The following DRAM2 variants were observed in gnomAD, a reference collection of about 807,000 sequenced individuals.
DRAM2 encodes DNA damage-regulated autophagy modulator protein 2.
DRAM2 carries 26 observed loss-of-function variants against 33.5 expected under a neutral mutation model. The ratio of observed to expected loss-of-function variants is 0.78; its 90% CI spans 0.57 to 1.08. The LOEUF (loss-of-function observed/expected upper bound fraction) is 1.08, where lower values mean the gene tolerates loss of function less well. Among genes scored for constraint, DRAM2 ranks in the 50% least tolerant of loss-of-function variants. DRAM2 has a pLI of 0.00. For missense variants in DRAM2, 311 were observed against 318.1 expected, an observed-to-expected ratio of 0.98 and a Z score of 0.17; for synonymous variants, 98 against 109.5, an observed-to-expected ratio of 0.89 and a Z score of 0.66.
chr1:111,118,133 T>C lies in DRAM2; in HGVS notation c.*27A>G, dbSNP rs1323625432. 2 of 1,597,878 alleles carry C rather than the reference T, an allele frequency of 1.3e-6. No homozygotes were observed. Among genetic ancestry groups the C allele is most frequent in the Admixed American group, 1.7e-5 (1 of 59,910 alleles). ...TTTCCCCAATCCCTGAGAATCATAATCATTACAGAAATATTTTATCCTTTC... is the reference window on the plus strand; with the variant it reads ...TTTCCCCAATCCCTGAGAATCATAACCATTACAGAAATATTTTATCCTTTC... On this transcript the variant is annotated 3_prime_UTR_variant, in exon 10 of 10. Transcript: ENST00000484310.
chr1:111,138,884 ATATTTAAATACCCGTGG>A (rs1653881179), intron 2 of DRAM2, among the ~76,000 whole-genome samples: 1 of 152,240 alleles, frequency 6.6e-6, no homozygotes, highest in African/African-American at 2.4e-5. Context: ...TTTTTAACAA[ATATTTAAATACCCGTGG>A]TAATAAAATG....
rs1345304888 is a variant in DRAM2, at chr1:111,117,800, C to T, written c.*360G>A. The stretch of plus-strand genomic sequence containing the variant: ...ATGTCTCTCATAAAAGTGCTCCTAA[C>T]AAAACATGATCTACAATAATTTATA... On this transcript the variant is annotated 3_prime_UTR_variant, in exon 10 of 10. Coordinates refer to ENST00000484310, the MANE Select transcript of DRAM2 (RefSeq NM_001349884.2). 1 of 196,056 alleles carries T rather than the reference C, an allele frequency of 5.1e-6. No homozygotes were observed. Among genetic ancestry groups the T allele is most frequent in the Middle Eastern group, 2.0e-3 (1 of 488 alleles). 12.1% of individuals were successfully genotyped at this position (196,056 alleles called of 1,614,324 possible).
chr1:111,129,342 C>T (rs1651619732), intron 4 of DRAM2, among the ~76,000 whole-genome samples: 1 of 152,150 alleles, frequency 6.6e-6, no homozygotes, highest in Admixed American at 6.5e-5. Flanking sequence ...CATATAGAGG[C>T]TGAATACTTT....
At chr1:111,138,319 G>T (rs532242637) in intron 2 of DRAM2, among the ~76,000 whole-genome samples, 1 of 152,192 alleles carries the variant, frequency 6.6e-6, no homozygotes, top group African/African-American at 2.4e-5. Flanking sequence ...GCATGGACTA[G>T]GTGAGGAAGA....
In DRAM2 at chr1:111,118,135, A is replaced by G. The variant is rs753082245; in HGVS notation, c.*25T>C. 4 of 1,598,078 alleles carry G rather than the reference A, an allele frequency of 2.5e-6. No homozygotes were observed. The highest frequency in any genetic ancestry group is 1.3e-5 in the African/African-American group (1 of 74,562). On this transcript the variant is annotated 3_prime_UTR_variant, in exon 10 of 10. Coordinates refer to ENST00000484310, the MANE Select transcript of DRAM2 (RefSeq NM_001349884.2). The stretch of plus-strand genomic sequence containing the variant: ...TCCCCAATCCCTGAGAATCATAATC[A>G]TTACAGAAATATTTTATCCTTTCAT...
chr1:111,120,408 A>G, intron 7 of DRAM2, 108 bp downstream of exon 7: 3 of 422,580 alleles, frequency 7.1e-6, no homozygotes, highest in Non-Finnish European at 1.1e-5. Flanking sequence ...AAAAAAAAAA[A>G]AAAAAAAAAA....
intron 4 of DRAM2, among the ~76,000 whole-genome samples, chr1:111,128,971 A>T (rs1477813898): frequency 6.6e-6 from 1 of 152,166 alleles, no homozygotes; most frequent in Non-Finnish European, 1.5e-5. Context: ...CAGAGTGGTA[A>T]TTATTTATCA....
intron 3 of DRAM2, 87 bp from the exon 4 acceptor site, chr1:111,131,655 T>A: frequency 7.7e-7 from 1 of 1,294,264 alleles, no homozygotes; most frequent in Non-Finnish European, 1.1e-6. Flanking sequence ...GCCTTGTACT[T>A]ACCACCCCAA....
intron 3 of DRAM2, among the ~76,000 whole-genome samples, chr1:111,135,600 C>G (rs1652997114): frequency 6.6e-6 from 1 of 152,134 alleles, no homozygotes; most frequent in Admixed American, 6.5e-5. Flanking sequence ...GTAGCAAAAC[C>G]TCCTCCCCCT....
rs1571056687 is a variant in DRAM2, at chr1:111,131,643, C to A, written c.-14-75G>T. ...ATCCTACTTTAGCCATCCATGCCCA[C>A]AGCCTTGTACTTACCACCCCAAGCT... On this transcript the variant is annotated intron_variant, in intron 3 of 9. Transcript: ENST00000484310. The A allele has an allele frequency of 2.8e-6, 4 of 1,427,132 alleles. No homozygotes were observed. The East Asian group carries it at 6.9e-5, about 25-fold the overall frequency. The allele number at this position is 1,427,132 out of a possible 1,614,324, so 88.4% of individuals were successfully genotyped here. A position where few individuals can be genotyped will look rare whatever the true frequency, so the allele number is the denominator to read the frequency against.
chr1:111,122,322 G>A (rs1055302070), intron 6 of DRAM2, among the ~76,000 whole-genome samples: 1 of 152,184 alleles, frequency 6.6e-6, no homozygotes, highest in East Asian at 1.9e-4. Flanking sequence ...GGAGGCTATG[G>A]CAGTAGTTCA....
chr1:111,119,798 TG>T, intron 8 of DRAM2, 78 bp downstream of exon 8: 1 of 1,179,212 alleles, frequency 8.5e-7, no homozygotes, highest in South Asian at 1.3e-5. Flanking sequence ...TTGTTACTGA[TG>T]AAATGAAAAA....
At chr1:111,138,769 C>T (rs1378308809) in intron 2 of DRAM2, among the ~76,000 whole-genome samples, 1 of 152,036 alleles carries the variant, frequency 6.6e-6, no homozygotes, top group Non-Finnish European at 1.5e-5. Context: ...GGCAACAGAG[C>T]GATACTCCAT....
At position 111,131,592 on chromosome 1, in the gene DRAM2, A is replaced by AAAAGATAATTCAC. The variant is rs759555458; in HGVS notation, c.-14-37_-14-25dup. 76 of 1,612,016 alleles carry AAAAGATAATTCAC rather than the reference A, an allele frequency of 4.7e-5. No individual in the cohort carries two copies. The East Asian group carries it at 1.7e-3, about 35-fold the overall frequency. On this transcript the variant is annotated intron_variant, in intron 3 of 9. Coordinates refer to ENST00000484310, the MANE Select transcript of DRAM2 (RefSeq NM_001349884.2). Reference sequence around the variant, plus strand: ...TTCTGAAATAGAGAAAACATATTAGAAAAGATAATTCACAAGAGTTTCCTC... The same window carrying AAAAGATAATTCAC: ...TTCTGAAATAGAGAAAACATATTAGAAAAGATAATTCACAAAGATAATTCACAAGAGTTTCCTC...
At chr1:111,136,692 A>G (rs1263464641) in intron 3 of DRAM2, among the ~76,000 whole-genome samples, 1 of 152,228 alleles carries the variant, frequency 6.6e-6, no homozygotes, top group African/African-American at 2.4e-5. Flanking sequence ...TTAAATTAAA[A>G]TCTCGATAGA....
intron 8 of DRAM2, 150 bp downstream of exon 8, chr1:111,119,727 C>G: frequency 1.5e-6 from 1 of 653,474 alleles, no homozygotes; most frequent in Non-Finnish European, 2.6e-6. Context: ...TCTACATAAA[C>G]CCTACCATAT....
At chr1:111,124,647 TAAC>T in intron 6 of DRAM2, 92 bp downstream of exon 6, 9 of 1,363,232 alleles carry the variant, frequency 6.6e-6, no homozygotes, top group South Asian at 1.4e-5. Flanking sequence ...GGTAAAGAAA[TAAC>T]AACAGCATGT....
intron 5 of DRAM2, 147 bp from the exon 6 acceptor site, chr1:111,125,028 A>G (rs34009613): frequency 1.3e-6 from 1 of 778,154 alleles, no homozygotes; most frequent in African/African-American, 1.8e-5. Flanking sequence ...AAAAAAAAAA[A>G]CAAAATAGCT....
intron 9 of DRAM2, 95 bp from the exon 10 acceptor site, chr1:111,118,362 G>A (rs1649337331): frequency 3.8e-6 from 3 of 788,350 alleles, no homozygotes; most frequent in African/African-American, 3.5e-5. Flanking sequence ...GATTATGAAT[G>A]TAAATCAATT....
Sources: gnomAD v4.1 joint callset for allele counts (sites outside exome capture counted in the v4.1 genomes callset) on GRCh38, gnomAD v4.1.1 for gene constraint, MANE v1.5 for transcripts, NCBI Gene and HGNC (gene_info 2026-07-23, HGNC 2026-07-21) for gene names.